SEMA3C: variants seen among roughly 807,000 people sequenced by gnomAD.
SEMA3C encodes semaphorin 3C, also known as semaphorin-3C.
In SEMA3C, 47 loss-of-function variants were observed where a neutral mutation model predicts 89.4. The ratio of observed to expected loss-of-function variants is 0.53; its 90% confidence interval spans 0.42 to 0.67. The LOEUF (loss-of-function observed/expected upper bound fraction) is 0.67, where lower values mean the gene tolerates loss of function less well. Ranked by LOEUF, SEMA3C falls within the 30% of genes least tolerant of loss-of-function variation. SEMA3C has a pLI of 0.00. For missense variants in SEMA3C, 839 were observed against 929.1 expected (o/e 0.90, Z 1.26); for synonymous variants, 310 against 320.2 (o/e 0.97, Z 0.34).
intron 4 of SEMA3C, among the ~76,000 whole-genome samples, chr7:80,823,963 G>C (rs1039583012): frequency 1.3e-5 from 2 of 151,962 alleles, no homozygotes; most frequent in African/African-American, 4.8e-5. Flanking sequence ...TTTAGCCAAG[G>C]CAGAAAATCC....
chr7:80,756,061 C>T (rs1241115257), intron 15 of SEMA3C, among the ~76,000 whole-genome samples: 1 of 152,132 alleles, frequency 6.6e-6, no homozygotes, highest in Non-Finnish European at 1.5e-5. Flanking sequence ...CCAGCCCAGG[C>T]CACTCCTCTC....
intron 6 of SEMA3C, among the ~76,000 whole-genome samples, chr7:80,810,194 T>C (rs1789434869): frequency 6.6e-6 from 1 of 151,912 alleles, no homozygotes; most frequent in Non-Finnish European, 1.5e-5. Flanking sequence ...CCACATTGTA[T>C]CCTATAAATA....
intron 4 of SEMA3C, among the ~76,000 whole-genome samples, chr7:80,821,419 T>C (rs1359285250): frequency 6.6e-6 from 1 of 151,068 alleles, no homozygotes; most frequent in African/African-American, 2.4e-5. Flanking sequence ...TCCACAGTTG[T>C]TTTTTTTTGG....
intron 2 of SEMA3C, among the ~76,000 whole-genome samples, chr7:80,859,545 C>T (rs959587495): frequency 4.6e-5 from 7 of 152,086 alleles, no homozygotes; most frequent in African/African-American, 1.4e-4. Context: ...TTAATCACTT[C>T]GAGACAACTG....
chr7:80,743,813 T>C lies in SEMA3C; in HGVS notation c.*1081A>G, dbSNP rs1422095481. On this transcript the variant is annotated 3_prime_UTR_variant, in exon 18 of 18. Coordinates refer to ENST00000265361, the MANE Select transcript of SEMA3C (RefSeq NM_006379.5). ...TTACTTTCTAGACATAACAAGCACC[T>C]TGCCATCACACTGAAAAGATCATAA... The C allele has an allele frequency of 6.6e-6, 1 of 152,004 alleles. No individual in the cohort carries two copies. The highest frequency in any genetic ancestry group is 1.5e-5 in the Non-Finnish European group (1 of 67,890). 9.4% of individuals were successfully genotyped at this position (152,004 alleles called of 1,614,324 possible). A position where few individuals can be genotyped will look rare whatever the true frequency, so the allele number is the denominator to read the frequency against.
intron 2 of SEMA3C, among the ~76,000 whole-genome samples, chr7:80,877,384 T>C (rs563651858): frequency 1.3e-5 from 2 of 152,314 alleles, no homozygotes; most frequent in South Asian, 4.1e-4. Context: ...TTGGAATGCT[T>C]TGCCTCGTTC....
At chr7:80,902,583 C>T (rs1246139932) in intron 2 of SEMA3C, among the ~76,000 whole-genome samples, 1 of 152,126 alleles carries the variant, frequency 6.6e-6, no homozygotes, top group African/African-American at 2.4e-5. Flanking sequence ...TTTCCATGGT[C>T]CAATTTTTCA....
In SEMA3C at chr7:80,883,557, C is replaced by T. The variant is rs556589279; in HGVS notation, c.103+33122G>A. On this transcript the variant is annotated intron_variant, in intron 2 of 17. Coordinates refer to ENST00000265361, the MANE Select transcript of SEMA3C (RefSeq NM_006379.5). ...TTTAAGATCAGGCCTCTTACTTCCCCAGTTGGATTTTTGCATACTCAGACA... is the reference window on the plus strand; with the variant it reads ...TTTAAGATCAGGCCTCTTACTTCCCTAGTTGGATTTTTGCATACTCAGACA... Among the ~76,000 whole-genome samples the T allele has an allele frequency of 1.5e-3, 228 of 152,300 alleles. 1 individual carries two copies. The highest frequency in any genetic ancestry group is 4.5e-3 in the African/African-American group (188 of 41,582).
intron 4 of SEMA3C, among the ~76,000 whole-genome samples, chr7:80,825,435 C>T (rs1448287671): frequency 6.6e-6 from 1 of 152,098 alleles, no homozygotes; most frequent in Admixed American, 6.6e-5. Context: ...TTAAAATATC[C>T]ACAAATTACA....
At chr7:80,842,430 A>C (rs1184131228) in intron 2 of SEMA3C, among the ~76,000 whole-genome samples, 1 of 152,200 alleles carries the variant, frequency 6.6e-6, no homozygotes, top group Admixed American at 6.6e-5. Context: ...GAAGAATAGC[A>C]GAATATGAGA....
chr7:80,802,698 C>G lies in SEMA3C; in HGVS notation c.883G>C (p.Glu295Gln). 1 of 1,613,382 alleles carries G rather than the reference C, an allele frequency of 6.2e-7. No homozygotes were observed. The highest frequency in any genetic ancestry group is 8.5e-7 in the Non-Finnish European group (1 of 1,179,398). ...TCAAAGTGTGTTTCTGGGCCGTCTTCATCTGTTACCGAGCACACCAGCCTC... is the reference window on the plus strand; with the variant it reads ...TCAAAGTGTGTTTCTGGGCCGTCTTGATCTGTTACCGAGCACACCAGCCTC... ...KARLVCSVTD[E>Q]DGPETHFDEL... Residue 295 changes from glutamate (E) to glutamine (Q), a missense_variant, in exon 9 of 18, where the codon GAA (glutamate) becomes CAA (glutamine). Coordinates refer to ENST00000265361, the MANE Select transcript of SEMA3C (RefSeq NM_006379.5).
At chr7:80,762,697 C>T (rs970207953) in intron 13 of SEMA3C, among the ~76,000 whole-genome samples, 13 of 152,086 alleles carry the variant, frequency 8.5e-5, no homozygotes, top group African/African-American at 2.9e-4. Flanking sequence ...CCTGTAATCC[C>T]AGCTACTCAG....
intron 2 of SEMA3C, among the ~76,000 whole-genome samples, chr7:80,859,263 A>G (rs919732123): frequency 2.0e-5 from 3 of 152,192 alleles, no homozygotes; most frequent in Non-Finnish European, 4.4e-5. Flanking sequence ...GCATACATAC[A>G]TATTTATATA....
At chr7:80,905,727 G>C (rs1468914907) in intron 2 of SEMA3C, 1 of 531,794 alleles carries the variant, frequency 1.9e-6, no homozygotes, top group Non-Finnish European at 3.3e-6. Context: ...GATAATTTTT[G>C]CTTTTAAAAT....
At position 80,835,570 on chromosome 7, in the gene SEMA3C, T is replaced by G. The variant is rs918154337; in HGVS notation, c.104-6825A>C. ...ATTGTTTTGAAACTGGATTAGAAAG[T>G]GAATTTCACCTGTCTGTTTAGAAAA... is the stretch of plus-strand genomic sequence containing the variant. On this transcript the variant is annotated intron_variant, in intron 2 of 17. Coordinates refer to ENST00000265361, the MANE Select transcript of SEMA3C (RefSeq NM_006379.5). Among the ~76,000 whole-genome samples, 5 of 152,106 alleles carry G rather than the reference T, an allele frequency of 3.3e-5. No individual in the cohort carries two copies. In the East Asian group the frequency reaches 9.7e-4, roughly 29 times the overall value.
chr7:80,755,660 G>A (rs934368002), intron 15 of SEMA3C, among the ~76,000 whole-genome samples: 4 of 151,782 alleles, frequency 2.6e-5, no homozygotes, highest in Admixed American at 2.6e-4. Context: ...TGTTAGAGAG[G>A]CAAATTTTTA....
At chr7:80,747,830 A>G (rs1209581323) in intron 17 of SEMA3C, among the ~76,000 whole-genome samples, 2 of 152,144 alleles carry the variant, frequency 1.3e-5, no homozygotes, top group Non-Finnish European at 2.9e-5. Context: ...TTCCTCCTGC[A>G]AGTAGTCATC....
intron 12 of SEMA3C, among the ~76,000 whole-genome samples, chr7:80,774,143 G>T (rs923434372): frequency 4.6e-5 from 7 of 152,164 alleles, no homozygotes; most frequent in African/African-American, 1.7e-4. Flanking sequence ...CATGCTTTAA[G>T]CATATGCATT....
At chr7:80,804,024 T>C in intron 8 of SEMA3C, 82 bp downstream of exon 8, 2 of 1,220,770 alleles carry the variant, frequency 1.6e-6, no homozygotes, top group African/African-American at 1.5e-5. Flanking sequence ...TTATTTGTAA[T>C]GGTTGATAAT....
Sources: allele counts gnomAD v4.1 joint callset (sites outside exome capture counted in the v4.1 genomes callset), GRCh38; gene constraint gnomAD v4.1.1; transcripts MANE v1.5; gene names NCBI Gene and HGNC (gene_info 2026-07-23, HGNC 2026-07-21).